The following PPP2R2C variants were observed in gnomAD, a reference collection of about 807,000 sequenced individuals.
PPP2R2C encodes the protein protein phosphatase 2 regulatory subunit Bgamma.
Under a neutral mutation model 45.3 loss-of-function variants are expected in PPP2R2C, and 10 were observed. That is an observed-to-expected ratio of 0.22 (90% CI 0.14 to 0.37). The LOEUF is 0.37. Ranked by LOEUF, PPP2R2C falls within the 10% of genes least tolerant of loss-of-function variation. PPP2R2C has a pLI of 1.00. For synonymous variants in PPP2R2C, 257 were observed against 245.4 expected, an observed-to-expected ratio of 1.05 and a Z score of -0.44; for missense variants, 308 against 619.7, an observed-to-expected ratio of 0.50 and a Z score of 5.34.
chr4:6,548,332 G>A (rs1725064831), intron 1 of PPP2R2C, among the ~76,000 whole-genome samples: 1 of 152,172 alleles, frequency 6.6e-6, no homozygotes, highest in African/African-American at 2.4e-5. Flanking sequence ...GGTGGAATGA[G>A]ATGGATGACA....
chr4:6,511,285 C>T (rs1422655650), intron 2 of PPP2R2C, among the ~76,000 whole-genome samples: 13 of 144,226 alleles, frequency 9.0e-5, no homozygotes, highest in Non-Finnish European at 1.6e-4. Context: ...GATGCTGATG[C>T]TGATGCTGAT....
intron 2 of PPP2R2C, among the ~76,000 whole-genome samples, chr4:6,499,778 AC>A (rs1052985341): frequency 2.6e-5 from 4 of 150,998 alleles, no homozygotes; most frequent in East Asian, 1.9e-4. Flanking sequence ...AAAAAAAAAA[AC>A]AACTCCTACC....
chr4:6,403,423 C>G (rs1245483530), intron 1 of PPP2R2C, among the ~76,000 whole-genome samples: 4 of 152,168 alleles, frequency 2.6e-5, no homozygotes, highest in African/African-American at 9.7e-5. Context: ...AAACCGAAAT[C>G]GCACTTCAAT....
chr4:6,435,196 C>T (rs1341424506), intron 1 of PPP2R2C, among the ~76,000 whole-genome samples: 2 of 152,134 alleles, frequency 1.3e-5, no homozygotes, highest in African/African-American at 4.8e-5. Flanking sequence ...TCTCTCTTTA[C>T]ATTAATTTAT....
At chr4:6,526,597 G>A (rs767812882) in intron 2 of PPP2R2C, among the ~76,000 whole-genome samples, 13 of 152,238 alleles carry the variant, frequency 8.5e-5, no homozygotes, top group African/African-American at 1.2e-4. Context: ...GGCACCCTGA[G>A]CGCAGTGCCT....
At chr4:6,462,471 T>C (rs1208102558) in intron 1 of PPP2R2C, among the ~76,000 whole-genome samples, 1 of 151,396 alleles carries the variant, frequency 6.6e-6, no homozygotes, top group Non-Finnish European at 1.5e-5. Context: ...AGAGTGAAAC[T>C]CCGTCTTAAA....
In PPP2R2C at chr4:6,421,011, G is replaced by A. The variant is rs545025562; in HGVS notation, c.71-39917C>T. The A allele has an allele frequency of 9.1e-6, 9 of 985,248 alleles. No individual in the cohort carries two copies. In the South Asian group the frequency reaches 2.8e-4, roughly 31 times the overall value. The allele number at this position is 985,248 out of a possible 1,614,324, so 61.0% of individuals were successfully genotyped here. The stretch of plus-strand genomic sequence containing the variant: ...GCTGGTTCTCCTCGATGTGCCTGAG[G>A]AGGGCTTCGTGGAGGAAGCGGTGCT... On this transcript the variant is annotated intron_variant, in intron 1 of 8. Coordinates refer to ENST00000382599, the MANE Select transcript of PPP2R2C (RefSeq NM_020416.4).
chr4:6,365,803 T>C lies in PPP2R2C; in HGVS notation c.625+6720A>G, dbSNP rs76452698. ...TTCTCCAGGCCGAGGCTTGGTGTGA[T>C]GCCAGTTCCCACCGTGAGAAATCAC... On this transcript the variant is annotated intron_variant, in intron 5 of 8. Coordinates refer to ENST00000382599, the MANE Select transcript of PPP2R2C (RefSeq NM_020416.4). Among the ~76,000 whole-genome samples, 90 of 152,326 alleles carry C rather than the reference T, an allele frequency of 5.9e-4. No individual in the cohort carries two copies. The East Asian group carries it at 0.017, about 28-fold the overall frequency.
At chr4:6,427,185 C>A (rs1025408637) in intron 1 of PPP2R2C, among the ~76,000 whole-genome samples, 1 of 152,254 alleles carries the variant, frequency 6.6e-6, no homozygotes. Flanking sequence ...GGGGGCCCCA[C>A]TGTATGCCCA....
chr4:6,409,249 A>G (rs1049611748), intron 1 of PPP2R2C, among the ~76,000 whole-genome samples: 1 of 152,244 alleles, frequency 6.6e-6, no homozygotes, highest in African/African-American at 2.4e-5. Context: ...TTACAAATAA[A>G]TATATCTTAT....
At position 6,332,978 on chromosome 4, in the gene PPP2R2C, C is replaced by A. The variant is rs748038612; in HGVS notation, c.960+584G>T. On this transcript the variant is annotated intron_variant, in intron 7 of 8. Coordinates refer to ENST00000382599, the MANE Select transcript of PPP2R2C (RefSeq NM_020416.4). This position sits in a 1 kb window ranked among gnomAD's most constrained non-coding sequence, Gnocchi z 4.9. The stretch of plus-strand genomic sequence containing the variant: ...CTTTCAAGTCCACATTTTATTTTAA[C>A]ATCACATGAGTTTTGTTGTCTACCC... Among the ~76,000 whole-genome samples the A allele has an allele frequency of 5.9e-5, 9 of 152,184 alleles. No homozygotes were observed. Among genetic ancestry groups the A allele is most frequent in the Non-Finnish European group, 1.5e-5 (1 of 68,036 alleles).
chr4:6,347,753 C>T (rs1577090122), intron 6 of PPP2R2C, 93 bp downstream of exon 6: 7 of 1,444,428 alleles, frequency 4.8e-6, no homozygotes, highest in East Asian at 2.5e-5. Context: ...CATCCCACAC[C>T]CACCACCCCT....
chr4:6,333,788 C>T, intron 6 of PPP2R2C, 57 bp from the exon 7 acceptor site: 2 of 1,591,700 alleles, frequency 1.3e-6, no homozygotes, highest in Admixed American at 1.7e-5. Flanking sequence ...ATGGGGTTGG[C>T]ACGACGGATG....
At chr4:6,518,023 G>A (rs1161178824) in intron 2 of PPP2R2C, among the ~76,000 whole-genome samples, 2 of 152,180 alleles carry the variant, frequency 1.3e-5, no homozygotes, top group African/African-American at 2.4e-5. Flanking sequence ...GTATCAGAAT[G>A]GAGAGGATTG....
intron 2 of PPP2R2C, among the ~76,000 whole-genome samples, chr4:6,486,532 T>C (rs997678129): frequency 1.3e-5 from 2 of 152,116 alleles, no homozygotes; most frequent in Non-Finnish European, 2.9e-5. Flanking sequence ...TCTATCATTT[T>C]TGCTTCATGT....
intron 2 of PPP2R2C, among the ~76,000 whole-genome samples, chr4:6,525,797 G>T (rs983054567): frequency 2.0e-5 from 3 of 152,092 alleles, no homozygotes; most frequent in Admixed American, 2.0e-4. Flanking sequence ...TCTGCCTCCC[G>T]GGTTCAAGTG....
intron 1 of PPP2R2C, among the ~76,000 whole-genome samples, chr4:6,554,887 A>AAAGAAAGG (rs1560620169): frequency 9.7e-4 from 103 of 106,054 alleles, no homozygotes; most frequent in African/African-American, 3.9e-3. Context: ...AAAGAAAAAG[A>AAAGAAAGG]AAGGAAGGAA....
At chr4:6,493,191 C>A (rs574029434) in intron 2 of PPP2R2C, among the ~76,000 whole-genome samples, 1 of 152,236 alleles carries the variant, frequency 6.6e-6, no homozygotes, top group South Asian at 2.1e-4. Flanking sequence ...GCAATTGCAA[C>A]CAGCACGCCT....
chr4:6,467,196 AT>A (rs1180421662), intron 1 of PPP2R2C, among the ~76,000 whole-genome samples: 5 of 152,110 alleles, frequency 3.3e-5, no homozygotes, highest in Non-Finnish European at 7.4e-5. Context: ...CCACATCTTG[AT>A]TTTCAAAAGT....
Sources: allele counts gnomAD v4.1 joint callset (sites outside exome capture counted in the v4.1 genomes callset), GRCh38; gene constraint gnomAD v4.1.1; non-coding constraint Gnocchi (gnomAD v3.1); transcripts MANE v1.5; gene names NCBI Gene and HGNC (gene_info 2026-07-23, HGNC 2026-07-21).